The following PDE1C variants were observed in gnomAD, a reference collection of about 807,000 sequenced individuals.
PDE1C encodes the protein phosphodiesterase 1C.
In PDE1C, 62 loss-of-function variants were observed where a neutral mutation model predicts 93.1. That is an observed-to-expected ratio of 0.67 (90% CI 0.54 to 0.82). The LOEUF (loss-of-function observed/expected upper bound fraction) is 0.82, where lower values mean the gene tolerates loss of function less well. Among genes scored for constraint, PDE1C ranks in the 40% least tolerant of loss-of-function variants. The pLI is 0.00. For missense variants in PDE1C, 742 were observed against 884.6 expected (o/e 0.84, Z 2.04); for synonymous variants, 325 against 310.1 (o/e 1.05, Z -0.50).
intron 1 of PDE1C, among the ~76,000 whole-genome samples, chr7:32,349,443 T>C (rs1388580640): frequency 1.3e-5 from 2 of 152,200 alleles, no homozygotes; most frequent in Non-Finnish European, 2.9e-5. Flanking sequence ...TCTCCCTCTC[T>C]GGTCCTAAAA....
intron 1 of PDE1C, among the ~76,000 whole-genome samples, chr7:32,310,929 A>G (rs1485222735): frequency 6.6e-6 from 1 of 152,232 alleles, no homozygotes; most frequent in African/African-American, 2.4e-5. Context: ...AAATAGAGAC[A>G]CAAAAAACCC....
the PDE1C span, among the ~76,000 whole-genome samples, chr7:31,646,985 C>A: frequency 3.3e-5 from 5 of 152,064 alleles, no homozygotes; most frequent in Non-Finnish European, 7.4e-5. Context: ...TATTAACATC[C>A]AAAGAAATAG....
chr7:32,282,810 A>G (rs1811757414), intron 1 of PDE1C, among the ~76,000 whole-genome samples: 1 of 151,976 alleles, frequency 6.6e-6, no homozygotes, highest in African/African-American at 2.4e-5. Context: ...TCGATCTCCT[A>G]ACCTCGTGAT....
chr7:31,893,314 A>C (rs1286196300), intron 2 of PDE1C, among the ~76,000 whole-genome samples: 1 of 152,162 alleles, frequency 6.6e-6, no homozygotes, highest in Admixed American at 6.5e-5. Flanking sequence ...TCATTTTGTA[A>C]TAGCTTTGGG....
At position 32,003,257 on chromosome 7, in the gene PDE1C, C is replaced by T. The variant is rs186163275; in HGVS notation, c.128+48297G>A. ...CTCACAGATTAGGGCAATGGAGCACCCATAAAGGAATTGACAAGGGAAACT... is the reference window on the plus strand; with the variant it reads ...CTCACAGATTAGGGCAATGGAGCACTCATAAAGGAATTGACAAGGGAAACT... On this transcript the variant is annotated intron_variant, in intron 2 of 17. Coordinates refer to ENST00000396191, the MANE Select transcript of PDE1C (RefSeq NM_001191057.4). Among the ~76,000 whole-genome samples, 543 of 152,214 alleles carry T rather than the reference C, an allele frequency of 3.6e-3. 1 individual carries two copies. The highest frequency in any genetic ancestry group is 3.9e-3 in the Non-Finnish European group (265 of 68,008).
Position 31,920,452 on chromosome 7 carries a change from G to A in PDE1C, c.129-39592C>T, listed in dbSNP as rs556548948. On this transcript the variant is annotated intron_variant, in intron 2 of 17. Transcript: ENST00000396191. ...GGCAGAGGAGACATATGCTCTTCAT[G>A]GGGTGAGGTTGGGGTGGCCTGGGGA... Among the ~76,000 whole-genome samples, 248 of 152,230 alleles carry A rather than the reference G, an allele frequency of 1.6e-3. 1 individual carries two copies. Among genetic ancestry groups the A allele is most frequent in the African/African-American group, 5.6e-3 (233 of 41,520 alleles).
chr7:32,271,321 T>C lies in PDE1C; in HGVS notation c.85+27330A>G, dbSNP rs192416092. ...TTGTTTGTTTTTTAACTTCAGCACATATTATTGTGCTAAATTAGATACATA... is the reference window on the plus strand; with the variant it reads ...TTGTTTGTTTTTTAACTTCAGCACACATTATTGTGCTAAATTAGATACATA... On this transcript the variant is annotated intron_variant, in intron 1 of 18. Coordinates refer to the PDE1C transcript ENST00000396193. Among the ~76,000 whole-genome samples, 426 of 152,332 alleles carry C rather than the reference T, an allele frequency of 2.8e-3. 2 individuals are homozygous for C. Among genetic ancestry groups the C allele is most frequent in the Admixed American group, 4.6e-3 (71 of 15,302 alleles).
At chr7:32,261,905 GC>G (rs1348430808) in intron 1 of PDE1C, among the ~76,000 whole-genome samples, 1 of 151,894 alleles carries the variant, frequency 6.6e-6, no homozygotes, top group African/African-American at 2.4e-5. Context: ...ACACTAATGG[GC>G]TAAAATTATC....
intron 1 of PDE1C, among the ~76,000 whole-genome samples, chr7:32,406,118 C>A (rs986055059): frequency 4.6e-5 from 7 of 152,118 alleles, no homozygotes; most frequent in African/African-American, 1.4e-4. Context: ...ACGTGCCTTA[C>A]CCCACAGAGG....
At chr7:32,132,727 TG>T (rs1057492559) in intron 3 of PDE1C, among the ~76,000 whole-genome samples, 2 of 152,090 alleles carry the variant, frequency 1.3e-5, no homozygotes, top group African/African-American at 4.8e-5. Context: ...AGAAAATTGT[TG>T]GGGGCAAGAA....
At chr7:31,963,925 T>G (rs1448388761) in intron 2 of PDE1C, among the ~76,000 whole-genome samples, 2 of 152,224 alleles carry the variant, frequency 1.3e-5, no homozygotes, top group Non-Finnish European at 2.9e-5. Flanking sequence ...AAATACTAAA[T>G]CATGAAGCAT....
chr7:31,703,658 A>G, the PDE1C span, among the ~76,000 whole-genome samples: 1 of 152,240 alleles, frequency 6.6e-6, no homozygotes, highest in Admixed American at 6.5e-5. Context: ...ATAAGGATAG[A>G]GCCTTCGGCA....
intron 17 of PDE1C, among the ~76,000 whole-genome samples, chr7:31,768,425 C>T (rs1795276624): frequency 1.3e-5 from 2 of 152,106 alleles, no homozygotes; most frequent in South Asian, 2.1e-4. Flanking sequence ...GTCTGTGGGA[C>T]GGACCGCTGC....
At chr7:32,284,566 C>A (rs568026455) in intron 1 of PDE1C, among the ~76,000 whole-genome samples, 3 of 152,314 alleles carry the variant, frequency 2.0e-5, no homozygotes, top group Middle Eastern at 3.4e-3. Context: ...CTCTCTCTTG[C>A]CACACCTACT....
intron 2 of PDE1C, among the ~76,000 whole-genome samples, chr7:31,953,217 C>T (rs1250151245): frequency 6.6e-6 from 1 of 152,084 alleles, no homozygotes; most frequent in Non-Finnish European, 1.5e-5. Flanking sequence ...GTGTTTGGGC[C>T]TACAAGGACA....
At chr7:31,799,329 G>A (rs919348498) in intron 16 of PDE1C, among the ~76,000 whole-genome samples, 1 of 151,686 alleles carries the variant, frequency 6.6e-6, no homozygotes, top group South Asian at 2.1e-4. Context: ...TCATTGAAGA[G>A]CAGGTCATGA....
chr7:32,237,188 G>A (rs999756529), intron 1 of PDE1C, among the ~76,000 whole-genome samples: 8 of 148,070 alleles, frequency 5.4e-5, no homozygotes, highest in African/African-American at 7.5e-5. Flanking sequence ...CCAGGTTCAC[G>A]CCATTTTCCT....
intron 1 of PDE1C, among the ~76,000 whole-genome samples, chr7:32,289,186 C>T (rs1255824389): frequency 6.6e-6 from 1 of 152,192 alleles, no homozygotes; most frequent in African/African-American, 2.4e-5. Flanking sequence ...AGAAGGATCG[C>T]TTGAGCCCAC....
At chr7:32,144,501 G>A (rs551194395) in intron 3 of PDE1C, among the ~76,000 whole-genome samples, 6 of 152,282 alleles carry the variant, frequency 3.9e-5, no homozygotes, top group South Asian at 2.1e-4. Context: ...GGCCAGTCAC[G>A]GGATTCAGGA....
Sources: allele counts gnomAD v4.1 joint callset (sites outside exome capture counted in the v4.1 genomes callset), GRCh38; gene constraint gnomAD v4.1.1; transcripts MANE v1.5; gene names NCBI Gene and HGNC (gene_info 2026-07-23, HGNC 2026-07-21).